The following CDH7 variants were observed in gnomAD, a reference collection of about 807,000 sequenced individuals.
CDH7 encodes cadherin 7.
A neutral mutation model predicts 71.8 loss-of-function variants in CDH7; 25 were observed. The ratio of observed to expected loss-of-function variants is 0.35; its 90% CI spans 0.25 to 0.49. CDH7 has a LOEUF of 0.49. Ranked by LOEUF, CDH7 falls within the 20% of genes least tolerant of loss-of-function variation. CDH7 has a pLI of 0.99. For missense variants in CDH7, 862 were observed against 974.6 expected (o/e 0.88, Z 1.54); for synonymous variants, 381 against 363.8 (o/e 1.05, Z -0.54).
In CDH7 at chr18:65,882,413, G is replaced by A. The variant is rs947442773; in HGVS notation, c.*1519G>A. 3 of 151,882 alleles carry A rather than the reference G, an allele frequency of 2.0e-5. No individual in the cohort carries two copies. Among genetic ancestry groups the A allele is most frequent in the Admixed American group, 2.0e-4 (3 of 15,228 alleles). 9.4% of individuals were successfully genotyped at this position (151,882 alleles called of 1,614,324 possible). A position where few individuals can be genotyped will look rare whatever the true frequency, so the allele number is the denominator to read the frequency against. Reference sequence around the variant, plus strand: ...CCTTTTAAAAATAATTCATTGTTGGGTTCCTAATACATTTACAGATAGTAA... The same window carrying A: ...CCTTTTAAAAATAATTCATTGTTGGATTCCTAATACATTTACAGATAGTAA... On this transcript the variant is annotated 3_prime_UTR_variant, in exon 12 of 12. Coordinates refer to ENST00000397968, the MANE Select transcript of CDH7 (RefSeq NM_004361.5).
chr18:65,860,295 AAAT>A (rs1429620004), intron 10 of CDH7, among the ~76,000 whole-genome samples: 3 of 152,158 alleles, frequency 2.0e-5, no homozygotes, highest in Admixed American at 6.6e-5. Context: ...TAATTCATGC[AAAT>A]AATAATAAAA....
Position 65,890,210 on chromosome 18 carries a change from A to G in CDH7, c.*9316A>G, listed in dbSNP as rs1053395173. On this transcript the variant is annotated 3_prime_UTR_variant, in exon 12 of 12. Coordinates refer to ENST00000397968, the MANE Select transcript of CDH7 (RefSeq NM_004361.5). ...CAGCTTAATGGTCCATTTAACCAATATTGTTATAAATTTATGAAGCTTCAA... is the reference window on the plus strand; with the variant it reads ...CAGCTTAATGGTCCATTTAACCAATGTTGTTATAAATTTATGAAGCTTCAA... 9.2e-5 allele frequency: 14 copies of G among 152,190 alleles called. No homozygotes were observed. The highest frequency in any genetic ancestry group is 3.4e-4 in the African/African-American group (14 of 41,450). 9.4% of individuals were successfully genotyped at this position (152,190 alleles called of 1,614,324 possible).
chr18:65,803,583 T>C (rs1486660915), intron 2 of CDH7: 1 of 152,202 alleles, frequency 6.6e-6, no homozygotes, highest in African/African-American at 2.4e-5. Flanking sequence ...CTCATACATT[T>C]GTTTTCATCT....
chr18:65,824,470 A>T (rs978393569), intron 5 of CDH7, among the ~76,000 whole-genome samples, 174 bp from the exon 6 acceptor site: 24 of 151,834 alleles, frequency 1.6e-4, no homozygotes, highest in African/African-American at 5.6e-4. Flanking sequence ...AATCATTCCC[A>T]TCATACCTCT....
At chr18:65,752,386 G>A (rs551651202) in intron 1 of CDH7, among the ~76,000 whole-genome samples, 2 of 152,130 alleles carry the variant, frequency 1.3e-5, no homozygotes, top group Non-Finnish European at 2.9e-5. Context: ...AGTTTGCATA[G>A]ACACAATATC....
intron 1 of CDH7, among the ~76,000 whole-genome samples, chr18:65,755,393 A>C (rs1916003085): frequency 6.6e-6 from 1 of 152,238 alleles, no homozygotes; most frequent in Non-Finnish European, 1.5e-5. Flanking sequence ...CTTCAAACTT[A>C]AGGAGCAGCA....
intron 2 of CDH7, 87 bp from the exon 3 acceptor site, chr18:65,809,617 C>G: frequency 8.9e-7 from 1 of 1,129,136 alleles, no homozygotes; most frequent in Non-Finnish European, 1.3e-6. Flanking sequence ...TCATGTACTC[C>G]TGCCTGACAT....
At position 65,822,224 on chromosome 18, in the gene CDH7, G is replaced by C; in HGVS notation, c.769G>C (p.Asp257His). The C allele has an allele frequency of 6.2e-7, 1 of 1,610,536 alleles. No individual in the cohort carries two copies. The highest frequency in any genetic ancestry group is 8.5e-7 in the Non-Finnish European group (1 of 1,177,226). ...CACTGTGACCCTAACTGATGTCAAC[G>C]ATAATCCACCTCGCTTTCCTCGAAG... Reference protein sequence around the residue: ...SVTVTLTDVNDNPPRFPRRSY... With the variant: ...SVTVTLTDVNHNPPRFPRRSY... The change falls in exon 5 of 12, where the codon GAT becomes CAT. Residue 257 changes from aspartate (D) to histidine (H), a missense_variant. Asp to His is a moderately conservative substitution (Grantham distance 81). Transcript: ENST00000397968.
Position 65,781,860 on chromosome 18 carries a change from TTCTTTC to T in CDH7, c.210+18812_210+18817del, listed in dbSNP as rs1353397874. Among the ~76,000 whole-genome samples the T allele has an allele frequency of 2.6e-3, 182 of 70,302 alleles. 4 individuals carry two copies. Among genetic ancestry groups the T allele is most frequent in the African/African-American group, 7.0e-3 (56 of 7,984 alleles). 46.1% of individuals were successfully genotyped at this position (70,302 alleles called of 152,430 possible). ...TTTCTTTCTTTCTTTCTTTCTTTCTTTCTTTCTCTCTCTCTCTCTGTCTCTCTCTCT... is the reference window on the plus strand; with the variant it reads ...TTTCTTTCTTTCTTTCTTTCTTTCTTTCTCTCTCTCTCTGTCTCTCTCTCT... On this transcript the variant is annotated intron_variant, in intron 2 of 11. Transcript: ENST00000397968.
intron 7 of CDH7, among the ~76,000 whole-genome samples, chr18:65,845,314 G>T (rs1208692177): frequency 6.6e-6 from 1 of 151,330 alleles, no homozygotes; most frequent in African/African-American, 2.5e-5. Context: ...TATCTAGGCA[G>T]CAAATTCAGA....
intron 6 of CDH7, among the ~76,000 whole-genome samples, chr18:65,832,994 CAT>C (rs1912405883): frequency 6.6e-6 from 1 of 152,118 alleles, no homozygotes; most frequent in African/African-American, 2.4e-5. Context: ...CGGTATCTGA[CAT>C]GTGATTTATT....
chr18:65,807,938 G>A (rs897797066), intron 2 of CDH7, among the ~76,000 whole-genome samples: 38 of 152,118 alleles, frequency 2.5e-4, no homozygotes, highest in Admixed American at 1.6e-3. Flanking sequence ...AGCACACAGG[G>A]CAACAATTCC....
intron 7 of CDH7, among the ~76,000 whole-genome samples, chr18:65,846,084 A>G (rs773029582): frequency 7.2e-5 from 11 of 152,194 alleles, no homozygotes; most frequent in Middle Eastern, 3.4e-3. Context: ...TTCACTTTTT[A>G]TAATATTTTC....
At chr18:65,766,861 T>C (rs923915997) in intron 2 of CDH7, among the ~76,000 whole-genome samples, 11 of 131,180 alleles carry the variant, frequency 8.4e-5, no homozygotes, top group South Asian at 7.5e-4. Flanking sequence ...CATTACTCAC[T>C]TAACGTCCTG....
In CDH7 at chr18:65,883,365, C is replaced by T. The variant is rs1914285741; in HGVS notation, c.*2471C>T. 2.6e-5 allele frequency: 4 copies of T among 151,696 alleles called. No homozygotes were observed. In the South Asian group the frequency reaches 8.3e-4, roughly 32 times the overall value. The allele number at this position is 151,696 out of a possible 1,614,324, so 9.4% of individuals were successfully genotyped here. A position where few individuals can be genotyped will look rare whatever the true frequency, so the allele number is the denominator to read the frequency against. On this transcript the variant is annotated 3_prime_UTR_variant, in exon 12 of 12. Transcript: ENST00000397968. ...TTTTGCCGTTGCTTATTTTAGTTTTCTTTTTTCTTCTGAAATCTAATGCTA... is the reference window on the plus strand; with the variant it reads ...TTTTGCCGTTGCTTATTTTAGTTTTTTTTTTTCTTCTGAAATCTAATGCTA...
intron 2 of CDH7, among the ~76,000 whole-genome samples, chr18:65,802,737 T>C (rs1568193385): frequency 6.6e-6 from 1 of 152,302 alleles, no homozygotes; most frequent in South Asian, 2.1e-4. Flanking sequence ...TAGGCAGATT[T>C]CTTAAGTTGT....
At chr18:65,763,275 A>G (rs900897568) in intron 2 of CDH7, among the ~76,000 whole-genome samples, 1 of 152,198 alleles carries the variant, frequency 6.6e-6, no homozygotes, top group African/African-American at 2.4e-5. Context: ...TTAGGGAATG[A>G]TGCTTCATTC....
chr18:65,794,387 C>T (rs1000782782), intron 2 of CDH7, among the ~76,000 whole-genome samples: 1 of 151,928 alleles, frequency 6.6e-6, no homozygotes, highest in South Asian at 2.1e-4. Flanking sequence ...GAGTAGGTGA[C>T]CTTTTAAACA....
Position 65,814,150 on chromosome 18 carries a change from A to AAT in CDH7, c.506-330_506-329dup, listed in dbSNP as rs151029516. Among the ~76,000 whole-genome samples the AAT allele has an allele frequency of 5.3e-5, 8 of 152,294 alleles. No individual in the cohort carries two copies. The East Asian group carries it at 1.5e-3, about 29-fold the overall frequency. Reference sequence around the variant, plus strand: ...TCTTATAGAAGCTGCTCTTGATGAAAATATATTACCTGAGCCCAATGGATG... The same window carrying AAT: ...TCTTATAGAAGCTGCTCTTGATGAAAATATATATTACCTGAGCCCAATGGATG... On this transcript the variant is annotated intron_variant, in intron 3 of 11. Coordinates refer to ENST00000397968, the MANE Select transcript of CDH7 (RefSeq NM_004361.5).
Sources: gnomAD v4.1 joint callset for allele counts (sites outside exome capture counted in the v4.1 genomes callset) on GRCh38, gnomAD v4.1.1 for gene constraint, MANE v1.5 for transcripts, NCBI Gene and HGNC (gene_info 2026-07-23, HGNC 2026-07-21) for gene names.